Variants in LY9 observed in about 807,000 individuals in gnomAD.
The protein encoded by LY9 is T-lymphocyte surface antigen Ly-9.
In LY9, 59 loss-of-function variants were observed where a neutral mutation model predicts 64.6. The observed-to-expected ratio is 0.91, with a 90% confidence interval of 0.74 to 1.13. The LOEUF (loss-of-function observed/expected upper bound fraction) is 1.13. LY9 is among the 50% of genes most tolerant of loss of function. LY9 has a pLI of 0.00. For synonymous variants in LY9, 281 were observed against 308.5 expected (o/e 0.91, Z 0.93); for missense variants, 789 against 797.2 (o/e 0.99, Z 0.12).
chr1:160,813,331 T>C, intron 2 of LY9: 1 of 395,494 alleles, frequency 2.5e-6, no homozygotes, highest in Non-Finnish European at 4.6e-6. Flanking sequence ...TAAGGCAGGC[T>C]GGGTGTTAGA....
Position 160,824,255 on chromosome 1 carries a change from G to A in LY9, c.1899+6G>A, listed in dbSNP as rs1277434633. The A allele has an allele frequency of 1.2e-6, 2 of 1,614,124 alleles. No individual in the cohort carries two copies. The highest frequency in any genetic ancestry group is 1.7e-5 in the Admixed American group (1 of 60,018). The stretch of plus-strand genomic sequence containing the variant: ...GCTCCATACGGAAACCTCAGGTGGT[G>A]AGAACTACATTCTCTGTATCCCAAG... On this transcript the variant is annotated splice_donor_region_variant and intron_variant, in intron 9 of 9. Transcript: ENST00000263285.
intron 2 of LY9, chr1:160,802,638 G>A (rs1431868664): frequency 1.0e-6 from 1 of 985,372 alleles, no homozygotes. Context: ...ACACCAATTT[G>A]GTGAAAATGC....
intron 2 of LY9, chr1:160,810,404 T>A (rs1667377601): frequency 6.6e-6 from 1 of 152,214 alleles, no homozygotes; most frequent in Non-Finnish European, 1.5e-5. Context: ...CGGCTTGTAG[T>A]TGGCCACCTT....
chr1:160,796,405 G>GTTT, intron 1 of LY9, 94 bp downstream of exon 1: 1 of 1,435,892 alleles, frequency 7.0e-7, no homozygotes. Context: ...TTTGTTTTTT[G>GTTT]TTTTTTTTAA....
chr1:160,797,384 A>C, intron 1 of LY9: 7 of 599,168 alleles, frequency 1.2e-5, no homozygotes, highest in Non-Finnish European at 1.5e-5. Flanking sequence ...TAGACCTCAG[A>C]GCTGAGGTCC....
chr1:160,808,182 T>C (rs1003806534), intron 2 of LY9, among the ~76,000 whole-genome samples: 2 of 152,180 alleles, frequency 1.3e-5, no homozygotes, highest in African/African-American at 2.4e-5. Flanking sequence ...CACAGCCCAC[T>C]ACTTTACCCA....
rs1167867507 is a variant in LY9, at chr1:160,818,290, G to C, written c.1415G>C (p.Ser472Thr). 6.2e-7 allele frequency: 1 copy of C among 1,614,094 alleles called. No homozygotes were observed. The highest frequency in any genetic ancestry group is 1.7e-5 in the Admixed American group (1 of 60,016). Residue 472 changes from serine (S) to threonine (T), a missense_variant, in exon 6 of 10, where the codon AGC (serine) becomes ACC (threonine). Ser to Thr is a moderately conservative substitution (Grantham distance 58). Transcript: ENST00000263285. ...MVCLLCVGIFSWCIWKRKGRC... is the reference protein window; with the variant it reads ...MVCLLCVGIFTWCIWKRKGRC... ...TGCCTTCTGTGCGTTGGGATCTTCA[G>C]CTGGTGCATTTGGAAGCGAAAAGGA...
intron 1 of LY9, chr1:160,797,339 C>T (rs1665986269): frequency 3.2e-6 from 3 of 948,506 alleles, no homozygotes; most frequent in Non-Finnish European, 3.8e-6. Context: ...GCTTTAGAAA[C>T]ACTCCTAGAT....
chr1:160,824,074 G>A (rs1668695102), intron 8 of LY9, 107 bp from the exon 9 acceptor site: 3 of 1,395,076 alleles, frequency 2.2e-6, no homozygotes, highest in Non-Finnish European at 3.0e-6. Flanking sequence ...CCCACCCTGT[G>A]TGTGAGATGG....
chr1:160,800,433 A>T (rs1666346525), intron 2 of LY9, among the ~76,000 whole-genome samples: 1 of 152,196 alleles, frequency 6.6e-6, no homozygotes. Context: ...CCAACATATA[A>T]GTGAGAACAT....
chr1:160,813,756 C>G lies in LY9; in HGVS notation c.575C>G (p.Thr192Ser). ...GAEKSVLYSW[T>S]PREPHASESN... ...GAGAAAAGTGTTCTGTACAGCTGGA[C>G]CCCAAGGGAACCCCATGCTTCTGAG... The change falls in exon 3 of 10, where the codon ACC becomes AGC. Residue 192 changes from threonine (T) to serine (S), a missense_variant. Thr to Ser is a moderately conservative substitution (Grantham distance 58, BLOSUM62 1). Transcript: ENST00000263285. 3 of 1,613,868 alleles carry G rather than the reference C, an allele frequency of 1.9e-6. No homozygotes were observed. The highest frequency in any genetic ancestry group is 2.5e-6 in the Non-Finnish European group (3 of 1,180,038).
In LY9 at chr1:160,814,651, C is replaced by A; in HGVS notation, c.962C>A (p.Ser321Tyr). Residue 321 changes from serine to tyrosine, a missense_variant, in exon 4 of 10, where the codon TCC becomes TAC. Transcript: ENST00000263285. ...NRVWVSSQDC[S>Y]LKISQLKIED... ...GTGTGGGTCTCCAGCCAGGACTGCT[C>A]CCTGAAGATCAGCCAGCTGAAGATA... The A allele has an allele frequency of 6.2e-7, 1 of 1,614,140 alleles. No homozygotes were observed. The highest frequency in any genetic ancestry group is 8.5e-7 in the Non-Finnish European group (1 of 1,179,996).
At chr1:160,827,613 A>G (rs1173878484) in intron 9 of LY9, 135 bp from the exon 10 acceptor site, 1 of 611,908 alleles carries the variant, frequency 1.6e-6, no homozygotes, top group Non-Finnish European at 2.8e-6. Flanking sequence ...TGATTGCGCC[A>G]TCCCTGGGCC....
At chr1:160,807,441 G>C (rs975676304) in intron 2 of LY9, among the ~76,000 whole-genome samples, 3 of 152,214 alleles carry the variant, frequency 2.0e-5, no homozygotes, top group Non-Finnish European at 4.4e-5. Context: ...CAGTCATCAG[G>C]CCACAGTGGT....
chr1:160,802,308 C>A (rs529868068), intron 2 of LY9: 55 of 989,210 alleles, frequency 5.6e-5, no homozygotes, highest in Non-Finnish European at 6.6e-5. Context: ...CACACTGCAC[C>A]CATTTCCTGG....
At chr1:160,821,839 G>A (rs1404932948) in intron 7 of LY9, among the ~76,000 whole-genome samples, 1 of 152,210 alleles carries the variant, frequency 6.6e-6, no homozygotes, top group Non-Finnish European at 1.5e-5. Context: ...GGGCAGGATT[G>A]AGCAGCGGTT....
chr1:160,814,640 C>T lies in LY9; in HGVS notation c.951C>T (p.Ser317=). ...ACAAGAACAGGGTGTGGGTCTCCAG[C>T]CAGGACTGCTCCCTGAAGATCAGCC... ...DPYKNRVWVS[S]QDCSLKISQL... is the part of the protein sequence containing the mutation. The change falls in exon 4 of 10, where the codon AGC becomes AGT. Residue 317 remains serine, a synonymous_variant. Coordinates refer to ENST00000263285, the MANE Select transcript of LY9 (RefSeq NM_002348.4). 1 of 1,614,066 alleles carries T rather than the reference C, an allele frequency of 6.2e-7. No homozygotes were observed. The highest frequency in any genetic ancestry group is 8.5e-7 in the Non-Finnish European group (1 of 1,179,974).
chr1:160,818,370 G>A, intron 6 of LY9, 51 bp downstream of exon 6: 1 of 1,362,314 alleles, frequency 7.3e-7, no homozygotes, highest in Non-Finnish European at 1.0e-6. Context: ...ATTTCCCTGG[G>A]ACTTGTGGAG....
rs1372480405 is a variant in LY9 at position 160,813,003 on chromosome 1, T to G, written c.455-633T>G. ...AGGAGGCTGAGGCAGGAGAATCGCT[T>G]GAACCCAGGAGGCAGAGGTTGCAGT... On this transcript the variant is annotated intron_variant, in intron 2 of 9. Transcript: ENST00000263285. 2.0e-5 allele frequency: 3 copies of G among 152,870 alleles called. No homozygotes were observed. In the East Asian group the frequency reaches 5.8e-4, roughly 29 times the overall value. The allele number at this position is 152,870 out of a possible 1,614,324, so 9.5% of individuals were successfully genotyped here.
Sources: gnomAD v4.1 joint callset for allele counts (sites outside exome capture counted in the v4.1 genomes callset) on GRCh38, gnomAD v4.1.1 for gene constraint, MANE v1.5 for transcripts, NCBI Gene and HGNC (gene_info 2026-07-23, HGNC 2026-07-21) for gene names.